SPNS3: variants seen among roughly 807,000 people sequenced by gnomAD.
SPNS3 encodes protein spinster homolog 3.
A neutral mutation model predicts 54.4 loss-of-function variants in SPNS3; 51 were observed. The observed-to-expected ratio is 0.94, with a 90% CI of 0.75 to 1.18. SPNS3 has a LOEUF of 1.18. Among genes scored for constraint, SPNS3 ranks in the 50% most tolerant of loss-of-function variants. SPNS3 has a pLI of 0.00. For synonymous variants in SPNS3, 309 were observed against 294.7 expected, an observed-to-expected ratio of 1.05 and a Z score of -0.50; for missense variants, 669 against 677.4, an observed-to-expected ratio of 0.99 and a Z score of 0.14.
chr17:4,455,949 C>A (rs1319161335), intron 8 of SPNS3, among the ~76,000 whole-genome samples: 1 of 152,038 alleles, frequency 6.6e-6, no homozygotes, highest in Non-Finnish European at 1.5e-5. Context: ...TGAAGCCCCT[C>A]ACTCAGCTTA....
chr17:4,478,795 C>T (rs753366475), intron 9 of SPNS3, among the ~76,000 whole-genome samples, 158 bp downstream of exon 9: 1 of 152,176 alleles, frequency 6.6e-6, no homozygotes. Context: ...CTCTCTGACA[C>T]TCTCAAACAT....
At chr17:4,484,342 A>G (rs1972252845) in intron 9 of SPNS3, among the ~76,000 whole-genome samples, 1 of 152,168 alleles carries the variant, frequency 6.6e-6, no homozygotes, top group Non-Finnish European at 1.5e-5. Context: ...ATTTTTTGAG[A>G]CAGGATCTTG....
intron 8 of SPNS3, among the ~76,000 whole-genome samples, chr17:4,469,862 T>C (rs1168042477): frequency 6.6e-6 from 1 of 152,120 alleles, no homozygotes; most frequent in Admixed American, 6.6e-5. Context: ...AAATGACTTT[T>C]ATATTTTTAT....
At chr17:4,451,240 C>T (rs1971155524) in intron 7 of SPNS3, among the ~76,000 whole-genome samples, 1 of 139,384 alleles carries the variant, frequency 7.2e-6, no homozygotes. Context: ...ACTTCTTCTT[C>T]TTCTTCTTTG....
chr17:4,467,957 G>A (rs757526060), intron 8 of SPNS3, among the ~76,000 whole-genome samples: 8 of 152,290 alleles, frequency 5.3e-5, no homozygotes, highest in Admixed American at 2.6e-4. Flanking sequence ...AGGCATGGGC[G>A]ACGGCGCCTG....
At chr17:4,473,031 C>T (rs1453276816) in intron 8 of SPNS3, among the ~76,000 whole-genome samples, 2 of 151,734 alleles carry the variant, frequency 1.3e-5, no homozygotes, top group Non-Finnish European at 2.9e-5. Context: ...TCAAGCAATC[C>T]TCCTGCCTCA....
At chr17:4,474,044 GC>G (rs1037158972) in intron 8 of SPNS3, among the ~76,000 whole-genome samples, 2 of 152,144 alleles carry the variant, frequency 1.3e-5, no homozygotes, top group Non-Finnish European at 2.9e-5. Flanking sequence ...GCTGAGACAG[GC>G]CCACTCGTCC....
intron 2 of SPNS3, among the ~76,000 whole-genome samples, chr17:4,443,238 C>T (rs7210965): frequency 0.11 from 16,156 of 152,052 alleles, 1,004 homozygotes; most frequent in African/African-American, 0.18. Flanking sequence ...GCTCAGCTAA[C>T]TTCTGTATTT....
chr17:4,479,152 G>A (rs1161599781), intron 9 of SPNS3, among the ~76,000 whole-genome samples: 1 of 152,210 alleles, frequency 6.6e-6, no homozygotes, highest in African/African-American at 2.4e-5. Flanking sequence ...ATATTGGCGA[G>A]GCTGGTCTTG....
At chr17:4,455,334 C>T (rs1004420849) in intron 8 of SPNS3, among the ~76,000 whole-genome samples, 17 of 152,210 alleles carry the variant, frequency 1.1e-4, no homozygotes, top group African/African-American at 3.9e-4. Context: ...CCTCCCCTTG[C>T]GATTCTGTCC....
rs78631005 is a variant in SPNS3 at position 4,461,144 on chromosome 17, T to A, written c.1113+7939T>A. Among the ~76,000 whole-genome samples, 1,096 of 152,164 alleles carry A rather than the reference T, an allele frequency of 7.2e-3. 12 individuals are homozygous for A. Among genetic ancestry groups the A allele is most frequent in the African/African-American group, 0.025 (1,050 of 41,530 alleles). On this transcript the variant is annotated intron_variant, in intron 8 of 11. Coordinates refer to ENST00000355530, the MANE Select transcript of SPNS3 (RefSeq NM_182538.5). ...TCTAATTTGTTGGCACACAATAGTT[T>A]ATATTATATAACAGTTCCTTCTAAT...
In SPNS3 at chr17:4,435,440, CA is replaced by C. The variant is rs759364661; in HGVS notation, c.199+1287del. On this transcript the variant is annotated intron_variant, in intron 1 of 11. Transcript: ENST00000355530. Reference sequence around the variant, plus strand: ...TGGGCGACAGAGCAAGGCTCTGTCTCAAAAAAAAAAAAATAAAAAATAAAAA... The same window carrying C: ...TGGGCGACAGAGCAAGGCTCTGTCTCAAAAAAAAAAAATAAAAAATAAAAA... Among the ~76,000 whole-genome samples, 278 of 68,364 alleles carry C rather than the reference CA, an allele frequency of 4.1e-3. 1 individual carries two copies. The highest frequency in any genetic ancestry group is 0.012 in the African/African-American group (211 of 17,846). 44.8% of individuals were successfully genotyped at this position (68,364 alleles called of 152,430 possible).
Position 4,487,932 on chromosome 17 carries a change from G to T in SPNS3, c.*38G>T. Reference sequence around the variant, plus strand: ...CACTCGTCCTGCCTGCAAGCCTCCCGTTGGTCCCCACAGCAGCAGTGCCTC... The same window carrying T: ...CACTCGTCCTGCCTGCAAGCCTCCCTTTGGTCCCCACAGCAGCAGTGCCTC... On this transcript the variant is annotated 3_prime_UTR_variant, in exon 12 of 12. Coordinates refer to ENST00000355530, the MANE Select transcript of SPNS3 (RefSeq NM_182538.5). The T allele has an allele frequency of 6.3e-7, 1 of 1,586,558 alleles. No homozygotes were observed. Among genetic ancestry groups the T allele is most frequent in the Non-Finnish European group, 8.7e-7 (1 of 1,155,512 alleles).
chr17:4,453,430 A>G (rs1432722490), intron 8 of SPNS3, among the ~76,000 whole-genome samples: 1 of 152,214 alleles, frequency 6.6e-6, no homozygotes, highest in African/African-American at 2.4e-5. Context: ...CGGCCTGGCC[A>G]ATATGGTGAA....
rs993157765 is a variant in SPNS3 at position 4,448,274 on chromosome 17, G to C, written c.741G>C (p.Trp247Cys). The C allele has an allele frequency of 5.0e-6, 8 of 1,585,822 alleles. 1 individual carries two copies. The Admixed American group carries it at 1.5e-4, about 30-fold the overall frequency. The change falls in exon 6 of 12, where the codon TGG (tryptophan) becomes TGC (cysteine). Residue 247 changes from tryptophan to cysteine, a missense_variant. By Grantham distance (215) the Trp-to-Cys change is radical. Transcript: ENST00000355530. ...CCGTGGGAGGCTTCAGGAGCAGCTGGTGTGAGGACGTCAGATACCTGGGGA... is the reference window on the plus strand; with the variant it reads ...CCGTGGGAGGCTTCAGGAGCAGCTGCTGTGAGGACGTCAGATACCTGGGGA... Reference protein sequence around the residue: ...EGAVGGFRSSWCEDVRYLGKN... With the variant: ...EGAVGGFRSSCCEDVRYLGKN...
chr17:4,478,629 A>G lies in SPNS3; in HGVS notation c.1171A>G (p.Ile391Val). 1 of 1,588,792 alleles carries G rather than the reference A, an allele frequency of 6.3e-7. No individual in the cohort carries two copies. ...LSCNWAVVAD[I>V]LLSVVVPRCR... ...CTGCAACTGGGCAGTGGTTGCCGACATCCTGCTGGTAGGTGTGGGAGTCGG... is the reference window on the plus strand; with the variant it reads ...CTGCAACTGGGCAGTGGTTGCCGACGTCCTGCTGGTAGGTGTGGGAGTCGG... The change falls in exon 9 of 12, where the codon ATC becomes GTC. Residue 391 changes from isoleucine (I) to valine (V), a missense_variant. Ile to Val is a conservative substitution (Grantham distance 29, BLOSUM62 3). Transcript: ENST00000355530.
intron 2 of SPNS3, among the ~76,000 whole-genome samples, chr17:4,443,088 T>A (rs77764231): frequency 6.7e-6 from 1 of 149,252 alleles, no homozygotes; most frequent in Non-Finnish European, 1.5e-5. Flanking sequence ...TTTTTTTTTT[T>A]GAGAGAGACT....
Position 4,445,179 on chromosome 17 carries a change from A to C in SPNS3, c.402+11A>C. 6.2e-7 allele frequency: 1 copy of C among 1,610,172 alleles called. No individual in the cohort carries two copies. Among genetic ancestry groups the C allele is most frequent in the South Asian group, 1.1e-5 (1 of 90,572 alleles). On this transcript the variant is annotated intron_variant, in intron 3 of 11. Transcript: ENST00000355530. ...TTCATCTCCCCCCGGGTACGTGTCCATGCCCCTGTCCAGGCCCCTGAGGCC... is the reference window on the plus strand; with the variant it reads ...TTCATCTCCCCCCGGGTACGTGTCCCTGCCCCTGTCCAGGCCCCTGAGGCC...
Position 4,446,080 on chromosome 17 carries a change from C to T in SPNS3, c.435C>T (p.Ile145=), listed in dbSNP as rs368318628. The change falls in exon 4 of 12, where the codon ATC becomes ATT. Residue 145 remains isoleucine, a synonymous_variant. Coordinates refer to ENST00000355530, the MANE Select transcript of SPNS3 (RefSeq NM_182538.5). The part of the protein sequence containing the change: ...YSWLFFLSRG[I]VGTGSASYST... ...GGCTCTTCTTCCTGTCCCGGGGCATCGTGGGCACTGGCTCGGCCAGCTACT... is the reference window on the plus strand; with the variant it reads ...GGCTCTTCTTCCTGTCCCGGGGCATTGTGGGCACTGGCTCGGCCAGCTACT... 33 of 1,611,944 alleles carry T rather than the reference C, an allele frequency of 2.0e-5. No individual in the cohort carries two copies. Among genetic ancestry groups the T allele is most frequent in the African/African-American group, 5.3e-5 (4 of 74,868 alleles).
Sources: gnomAD v4.1 joint callset for allele counts (sites outside exome capture counted in the v4.1 genomes callset) on GRCh38, gnomAD v4.1.1 for gene constraint, MANE v1.5 for transcripts, NCBI Gene and HGNC (gene_info 2026-07-23, HGNC 2026-07-21) for gene names.